The following DSCAML1 variants were observed in gnomAD, a reference collection of about 807,000 sequenced individuals.
DSCAML1 encodes the protein cell adhesion molecule DSCAML1.
A neutral mutation model predicts 200.5 loss-of-function variants in DSCAML1; 38 were observed. The observed-to-expected ratio is 0.19, with a 90% CI of 0.15 to 0.25. The LOEUF is 0.25. Ranked by LOEUF, DSCAML1 falls within the 10% of genes least tolerant of loss-of-function variation. The pLI is 1.00. For synonymous variants in DSCAML1, 1,215 were observed against 1,165.0 expected, an observed-to-expected ratio of 1.04 and a Z score of -0.87; for missense variants, 2,223 against 2,858.8, an observed-to-expected ratio of 0.78 and a Z score of 5.07.
At chr11:117,692,186 C>T (rs2053506929) in intron 3 of DSCAML1, among the ~76,000 whole-genome samples, 1 of 152,024 alleles carries the variant, frequency 6.6e-6, no homozygotes, top group Non-Finnish European at 1.5e-5. Context: ...TACCATTCTC[C>T]TCTCCTTGCC....
In DSCAML1 at chr11:117,435,653, G is replaced by A; in HGVS notation, c.4867C>T (p.Arg1623Ter). Residue 1623 changes from arginine (R) to a stop codon, truncating the protein, a stop_gained, in exon 27 of 33, where the codon CGA (arginine) becomes TGA (stop). Coordinates refer to ENST00000651296, the MANE Select transcript of DSCAML1 (RefSeq NM_020693.4). LOFTEE classifies it high-confidence loss of function. ...TAGGAAGCTCCCCCACCTCGGAGTCGCTTCAGCCGTTTCTCCTTCCTCTTC... is the reference window on the plus strand; with the variant it reads ...TAGGAAGCTCCCCCACCTCGGAGTCACTTCAGCCGTTTCTCCTTCCTCTTC... ...RKKRKEKRLK[R>*]LRDAKSLAEM... 2 of 1,595,668 alleles carry A rather than the reference G, an allele frequency of 1.3e-6. No individual in the cohort carries two copies. Among genetic ancestry groups the A allele is most frequent in the East Asian group, 2.3e-5 (1 of 44,296 alleles).
chr11:117,810,860 C>G (rs1319797413), intron 1 of DSCAML1, among the ~76,000 whole-genome samples: 1 of 152,118 alleles, frequency 6.6e-6, no homozygotes. Context: ...CAACTCGTCC[C>G]AAATCTTCCT....
chr11:117,562,174 G>A (rs1188824896), intron 3 of DSCAML1, among the ~76,000 whole-genome samples: 1 of 152,202 alleles, frequency 6.6e-6, no homozygotes, highest in Non-Finnish European at 1.5e-5. Flanking sequence ...GCTGCTAGGG[G>A]CATGGAAGTG....
intron 11 of DSCAML1, among the ~76,000 whole-genome samples, chr11:117,486,390 T>TGAAAGTGGCGGATGG (rs1190068369): frequency 3.6e-5 from 5 of 140,330 alleles, no homozygotes; most frequent in African/African-American, 1.4e-4. Flanking sequence ...ATGGCGGATG[T>TGAAAGTGGCGGATGG]GAAAGTGGCG....
At chr11:117,559,729 T>C (rs1182719651) in intron 3 of DSCAML1, among the ~76,000 whole-genome samples, 1 of 152,062 alleles carries the variant, frequency 6.6e-6, no homozygotes, top group Non-Finnish European at 1.5e-5. Context: ...AGACCACAGG[T>C]GTCCCTGGGC....
At chr11:117,512,661 CACACACACACACACACACACACACAT>C (rs1565753701) in intron 8 of DSCAML1, among the ~76,000 whole-genome samples, 2 of 106,536 alleles carry the variant, frequency 1.9e-5, no homozygotes, top group Non-Finnish European at 4.3e-5. Flanking sequence ...CACACACACA[CACACACACACACACACACACACACAT>C]GCCTGCTATG....
chr11:117,630,285 T>G (rs1212928964), intron 3 of DSCAML1, among the ~76,000 whole-genome samples: 7 of 152,174 alleles, frequency 4.6e-5, no homozygotes, highest in Non-Finnish European at 4.4e-5. Flanking sequence ...TGAGCCCGAC[T>G]GCACTGCCTG....
In DSCAML1 at chr11:117,467,193, A is replaced by ACACC. The variant is rs1555172719; in HGVS notation, c.3025-2012_3025-2011insGGTG. 8.9e-4 allele frequency among the ~76,000 whole-genome samples: 97 copies of ACACC among 109,484 alleles called. 3 individuals are homozygous for ACACC. Among genetic ancestry groups the ACACC allele is most frequent in the Admixed American group, 2.0e-3 (20 of 9,844 alleles). The allele number at this position is 109,484 out of a possible 152,430, so 71.8% of individuals were successfully genotyped here. On this transcript the variant is annotated intron_variant, in intron 16 of 32. Coordinates refer to ENST00000651296, the MANE Select transcript of DSCAML1 (RefSeq NM_020693.4). ...CGCGCACGCATGCGCGTGCACACAC[A>ACACC]CCTCCCCCCTCCCCCCGCCGCCAAT...
At chr11:117,721,256 A>G (rs1217464554) in intron 3 of DSCAML1, among the ~76,000 whole-genome samples, 3 of 152,242 alleles carry the variant, frequency 2.0e-5, no homozygotes, top group Non-Finnish European at 4.4e-5. Flanking sequence ...CAGCCTGGAT[A>G]GCTAGAAAGA....
intron 3 of DSCAML1, among the ~76,000 whole-genome samples, chr11:117,659,088 G>A (rs2052790750): frequency 6.6e-6 from 1 of 152,194 alleles, no homozygotes; most frequent in Non-Finnish European, 1.5e-5. Flanking sequence ...GAGCACTGCT[G>A]CTATTTCAGA....
rs540510245 is a variant in DSCAML1 at position 117,732,740 on chromosome 11, G to T, written c.511+44051C>A. ...TTCCGGAAAGAGCACAGTGACGACT[G>T]CCCAGCTTCCTTGGGAGCCAAGCAT... On this transcript the variant is annotated intron_variant, in intron 3 of 32. Transcript: ENST00000651296. Among the ~76,000 whole-genome samples the T allele has an allele frequency of 2.6e-5, 4 of 152,236 alleles. No homozygotes were observed. In the East Asian group the frequency reaches 7.7e-4, roughly 29 times the overall value.
At chr11:117,753,679 G>A (rs958863700) in intron 3 of DSCAML1, among the ~76,000 whole-genome samples, 9 of 152,222 alleles carry the variant, frequency 5.9e-5, no homozygotes, top group Non-Finnish European at 1.2e-4. Flanking sequence ...TCATGGTAAT[G>A]AGAATCACCT....
chr11:117,797,791 G>T (rs1017965190), upstream of DSCAML1, among the ~76,000 whole-genome samples: 1 of 152,178 alleles, frequency 6.6e-6, no homozygotes, highest in Non-Finnish European at 1.5e-5. Flanking sequence ...TCAGCACTTG[G>T]CACATTGTGA....
At chr11:117,816,629 C>T (rs971947199) in intron 1 of DSCAML1, among the ~76,000 whole-genome samples, 8 of 152,168 alleles carry the variant, frequency 5.3e-5, no homozygotes, top group African/African-American at 9.7e-5. Context: ...CGCTACACCA[C>T]CCCCTGCCCT....
At chr11:117,735,948 T>C (rs970754081) in intron 3 of DSCAML1, among the ~76,000 whole-genome samples, 2 of 152,198 alleles carry the variant, frequency 1.3e-5, no homozygotes, top group Admixed American at 6.5e-5. Context: ...CACACTCCTA[T>C]AGTGATCTCA....
At chr11:117,673,898 TC>T (rs2053159884) in intron 3 of DSCAML1, among the ~76,000 whole-genome samples, 1 of 152,242 alleles carries the variant, frequency 6.6e-6, no homozygotes. Flanking sequence ...TTTATTTATC[TC>T]CTTATTTCTG....
At chr11:117,499,407 C>CCT (rs2049354492) in intron 11 of DSCAML1, among the ~76,000 whole-genome samples, 1 of 152,096 alleles carries the variant, frequency 6.6e-6, no homozygotes. Flanking sequence ...TTAGTTCAGG[C>CCT]CTCTCACTGT....
chr11:117,780,215 G>C lies in DSCAML1; in HGVS notation c.364+278C>G, dbSNP rs1430974847. On this transcript the variant is annotated intron_variant, in intron 2 of 32. Coordinates refer to ENST00000651296, the MANE Select transcript of DSCAML1 (RefSeq NM_020693.4). This position sits in a 1 kb window ranked among gnomAD's most constrained non-coding sequence, Gnocchi z 4.8. ...AGAAAGAAAGAGAAAGAAAGAGAGAGAGAGAAAGAAAGAAAGGAAAGAAAG... is the reference window on the plus strand; with the variant it reads ...AGAAAGAAAGAGAAAGAAAGAGAGACAGAGAAAGAAAGAAAGGAAAGAAAG... Among the ~76,000 whole-genome samples, 1 of 52,462 alleles carries C rather than the reference G, an allele frequency of 1.9e-5. No homozygotes were observed. Among genetic ancestry groups the C allele is most frequent in the East Asian group, 4.6e-4 (1 of 2,174 alleles). The allele number at this position is 52,462 out of a possible 152,430, so 34.4% of individuals were successfully genotyped here.
intron 17 of DSCAML1, among the ~76,000 whole-genome samples, chr11:117,461,815 T>C (rs1227554029): frequency 2.1e-4 from 32 of 152,200 alleles, no homozygotes; most frequent in Non-Finnish European, 5.9e-5. Flanking sequence ...ACAGAAATCT[T>C]TACAGACTTG....
Sources: allele counts gnomAD v4.1 joint callset (sites outside exome capture counted in the v4.1 genomes callset), GRCh38; gene constraint gnomAD v4.1.1; non-coding constraint Gnocchi (gnomAD v3.1); transcripts MANE v1.5; gene names NCBI Gene and HGNC (gene_info 2026-07-23, HGNC 2026-07-21).